Variants in LYZL4 observed in about 807,000 individuals in gnomAD.
The protein encoded by LYZL4 is lysozyme like 4.
Under a neutral mutation model 17.6 loss-of-function variants are expected in LYZL4, and 13 were observed. That is an observed-to-expected ratio of 0.74 (90% CI 0.48 to 1.18). The LOEUF is 1.18. Among genes scored for constraint, LYZL4 ranks in the 50% most tolerant of loss-of-function variants. The pLI is 0.00. For synonymous variants in LYZL4, 64 were observed against 67.7 expected, an observed-to-expected ratio of 0.95 and a Z score of 0.27; for missense variants, 174 against 188.2, an observed-to-expected ratio of 0.92 and a Z score of 0.44.
At chr3:42,368,123 A>T in the LYZL4 span, among the ~76,000 whole-genome samples, 2 of 151,238 alleles carry the variant, frequency 1.3e-5, no homozygotes, top group African/African-American at 4.9e-5. Context: ...AGTTCCAGAC[A>T]CTCTTTCTTA....
At chr3:42,363,036 C>G in the LYZL4 span, among the ~76,000 whole-genome samples, 1 of 151,812 alleles carries the variant, frequency 6.6e-6, no homozygotes, top group African/African-American at 2.4e-5. Context: ...TAAAAGAAAC[C>G]CAGGGAGGTA....
At chr3:42,369,071 T>A in the LYZL4 span, among the ~76,000 whole-genome samples, 1 of 152,228 alleles carries the variant, frequency 6.6e-6, no homozygotes, top group Non-Finnish European at 1.5e-5. Context: ...ATGGCTGCAG[T>A]TCTCTGCAGA....
chr3:42,385,146 C>T, the LYZL4 span, among the ~76,000 whole-genome samples: 3 of 151,724 alleles, frequency 2.0e-5, no homozygotes, highest in African/African-American at 7.3e-5. Flanking sequence ...ATTAAATCTG[C>T]CCTCTCTCAG....
the LYZL4 span, among the ~76,000 whole-genome samples, chr3:42,384,927 C>T: frequency 6.6e-6 from 1 of 152,114 alleles, no homozygotes; most frequent in East Asian, 1.9e-4. Flanking sequence ...ATACCCAAAG[C>T]ATCAGCTGAA....
At chr3:42,371,468 TG>T in the LYZL4 span, among the ~76,000 whole-genome samples, 7 of 152,232 alleles carry the variant, frequency 4.6e-5, no homozygotes, top group Admixed American at 3.3e-4. Context: ...TTCTAGAATC[TG>T]AGTACATAAT....
At chr3:42,386,174 C>T in the LYZL4 span, among the ~76,000 whole-genome samples, 1 of 152,070 alleles carries the variant, frequency 6.6e-6, no homozygotes, top group Non-Finnish European at 1.5e-5. Flanking sequence ...GTGATCTTGG[C>T]TCACTGCAAC....
chr3:42,407,016 G>C lies in LYZL4; in HGVS notation c.140-18C>G. 2 of 1,614,158 alleles carry C rather than the reference G, an allele frequency of 1.2e-6. No individual in the cohort carries two copies. The highest frequency in any genetic ancestry group is 1.7e-6 in the Non-Finnish European group (2 of 1,179,996). On this transcript the variant is annotated intron_variant, in intron 2 of 4. Transcript: ENST00000287748. ...GCACACCCCTAAGATGGAACAGAAG[G>C]TGTGTGACTCTGAGGACAGCTGGAG...
the LYZL4 span, among the ~76,000 whole-genome samples, chr3:42,370,124 G>A: frequency 6.6e-6 from 1 of 152,130 alleles, no homozygotes; most frequent in African/African-American, 2.4e-5. Context: ...GGAAAACCTG[G>A]AGTAACTAGA....
chr3:42,406,794 C>T (rs1308016558), intron 3 of LYZL4, 52 bp downstream of exon 3: 3 of 1,604,726 alleles, frequency 1.9e-6, no homozygotes, highest in Non-Finnish European at 2.5e-6. Context: ...AGGCCTCTAA[C>T]ACAGCACCAT....
chr3:42,380,238 G>A, the LYZL4 span, among the ~76,000 whole-genome samples: 2 of 152,182 alleles, frequency 1.3e-5, no homozygotes, highest in East Asian at 1.9e-4. Context: ...TGCATTTCAG[G>A]CACTTTCCCA....
At chr3:42,377,313 G>GA in the LYZL4 span, among the ~76,000 whole-genome samples, 122 of 152,080 alleles carry the variant, frequency 8.0e-4, no homozygotes, top group Admixed American at 3.3e-4. Flanking sequence ...TTTCTGGGTT[G>GA]AAAAAATCTC....
the LYZL4 span, among the ~76,000 whole-genome samples, chr3:42,375,903 T>C: frequency 6.6e-6 from 1 of 152,186 alleles, no homozygotes; most frequent in Non-Finnish European, 1.5e-5. Flanking sequence ...AATATACTAG[T>C]ACTTTCCTTA....
chr3:42,393,606 T>A (rs1176024347), downstream of LYZL4, among the ~76,000 whole-genome samples: 2 of 152,214 alleles, frequency 1.3e-5, no homozygotes, highest in African/African-American at 4.8e-5. Context: ...ACGATCCCTG[T>A]GACTTCCGAC....
chr3:42,388,473 T>A, the LYZL4 span, among the ~76,000 whole-genome samples: 1 of 152,248 alleles, frequency 6.6e-6, no homozygotes, highest in African/African-American at 2.4e-5. Flanking sequence ...AGGCTTGGGG[T>A]TATTCAGAAG....
chr3:42,367,113 T>G, the LYZL4 span, among the ~76,000 whole-genome samples: 1 of 152,204 alleles, frequency 6.6e-6, no homozygotes, highest in African/African-American at 2.4e-5. Context: ...TCAGAAATAG[T>G]CAATGCTTCC....
downstream of LYZL4, among the ~76,000 whole-genome samples, chr3:42,394,257 C>G (rs957188620): frequency 3.3e-4 from 50 of 152,204 alleles, no homozygotes; most frequent in Non-Finnish European, 5.3e-4. Context: ...CCTAATACCT[C>G]TTAAGTGCAG....
chr3:42,384,752 A>G, the LYZL4 span, among the ~76,000 whole-genome samples: 1 of 152,188 alleles, frequency 6.6e-6, no homozygotes, highest in Non-Finnish European at 1.5e-5. Context: ...ATGGAACCCA[A>G]GTTAAAGGTG....
rs1698562973 is a variant in LYZL4 at position 42,397,207 on chromosome 3, A to G, written c.*58T>C. 8.2e-7 allele frequency: 1 copy of G among 1,215,738 alleles called. No homozygotes were observed. Among genetic ancestry groups the G allele is most frequent in the Non-Finnish European group, 1.2e-6 (1 of 847,956 alleles). 75.3% of individuals were successfully genotyped at this position (1,215,738 alleles called of 1,614,324 possible). A position where few individuals can be genotyped will look rare whatever the true frequency, so the allele number is the denominator to read the frequency against. On this transcript the variant is annotated 3_prime_UTR_variant, in exon 5 of 5. Coordinates refer to ENST00000287748, the MANE Select transcript of LYZL4 (RefSeq NM_144634.4). ...AAGGATTGACTGAAGCAGCAAGCAG[A>G]AAAGCACCTTCATTCACAAGATGCA...
chr3:42,384,077 A>T, the LYZL4 span, among the ~76,000 whole-genome samples: 51 of 152,326 alleles, frequency 3.3e-4, no homozygotes, highest in South Asian at 9.7e-3. Context: ...AGTGTTAGAG[A>T]CAATCCTACA....
Sources: allele counts gnomAD v4.1 joint callset (sites outside exome capture counted in the v4.1 genomes callset), GRCh38; gene constraint gnomAD v4.1.1; transcripts MANE v1.5; gene names NCBI Gene and HGNC (gene_info 2026-07-23, HGNC 2026-07-21).